The following TASOR variants were observed in gnomAD, a reference collection of about 807,000 sequenced individuals.
TASOR encodes the protein transcription activation suppressor.
In TASOR, 53 loss-of-function variants were observed where a neutral mutation model predicts 178.6. The observed-to-expected ratio is 0.30, with a 90% CI of 0.24 to 0.37. The LOEUF (loss-of-function observed/expected upper bound fraction) is 0.37. TASOR is among the 10% of genes least tolerant of loss of function. The pLI is 1.00. For synonymous variants in TASOR, 713 were observed against 696.2 expected (o/e 1.02, Z -0.38); for missense variants, 1,815 against 1,971.4 (o/e 0.92, Z 1.50).
intron 3 of TASOR, 142 bp from the exon 4 acceptor site, chr3:56,670,287 C>T (rs2030542382): frequency 6.1e-6 from 3 of 493,882 alleles, no homozygotes; most frequent in African/African-American, 2.0e-5. Flanking sequence ...TATATATTTG[C>T]CACTTTATAA....
intron 5 of TASOR, among the ~76,000 whole-genome samples, chr3:56,668,926 T>C (rs545951834): frequency 2.6e-5 from 4 of 152,286 alleles, no homozygotes; most frequent in South Asian, 2.1e-4. Context: ...TGAGCCAAGA[T>C]TGTGCCACTG....
chr3:56,664,112 A>C (rs75710202), intron 7 of TASOR: 1 of 146,438 alleles, frequency 6.8e-6, no homozygotes. Context: ...AAAAAAAAAA[A>C]CAGAGAAACC....
chr3:56,641,752 T>G lies in TASOR; in HGVS notation c.2216A>C (p.Glu739Ala). 6.3e-7 allele frequency: 1 copy of G among 1,588,038 alleles called. No individual in the cohort carries two copies. The highest frequency in any genetic ancestry group is 1.4e-5 in the African/African-American group (1 of 74,050). Residue 739 changes from glutamate (E) to alanine (A), a missense_variant and splice_region_variant, in exon 15 of 24, where the codon GAG becomes GCG. Physicochemically the swap from Glu to Ala is moderately radical, Grantham distance 107 (BLOSUM62 -1). Around this residue, in one of 5 missense-constraint regions of TASOR, gnomAD observed 655 missense variants for 671.1 expected, o/e 0.98. Transcript: ENST00000683822. ...NLSENCHLYE[E>A]SPQPIGSLGH... is the part of the protein sequence containing the mutation. ...AAGTGAGCCAATAGGCTGTGGAGAC[T>G]CTGAGAAAAAGGAAGTCATTGGTTG...
intron 11 of TASOR, among the ~76,000 whole-genome samples, chr3:56,656,971 T>C (rs9819952): frequency 0.19 from 27,851 of 148,404 alleles, 3,400 homozygotes; most frequent in South Asian, 0.41. Context: ...GATTGCACCA[T>C]TGCACTCCAA....
intron 11 of TASOR, among the ~76,000 whole-genome samples, chr3:56,660,378 T>C (rs2077567308): frequency 6.7e-6 from 1 of 149,740 alleles, no homozygotes; most frequent in Non-Finnish European, 1.5e-5. Context: ...TAATCCCAGC[T>C]ACTCAGGAGG....
In TASOR at chr3:56,666,400, T is replaced by C; in HGVS notation, c.898-16A>G. 11 of 1,458,452 alleles carry C rather than the reference T, an allele frequency of 7.5e-6. No individual in the cohort carries two copies. Among genetic ancestry groups the C allele is most frequent in the Non-Finnish European group, 8.1e-6 (9 of 1,105,542 alleles). The allele number at this position is 1,458,452 out of a possible 1,614,324, so 90.3% of individuals were successfully genotyped here. On this transcript the variant is annotated splice_polypyrimidine_tract_variant and intron_variant, in intron 6 of 23. Transcript: ENST00000683822. ...AAAAATAATACTAAAAATAAGAAAA[T>C]GAAAAATTAACTTCTTTAAAAAGGC...
At chr3:56,628,765 CTT>C (rs35779948) in intron 18 of TASOR, 151 bp from the exon 19 acceptor site, 96 of 439,066 alleles carry the variant, frequency 2.2e-4, no homozygotes, top group East Asian at 3.5e-4. Flanking sequence ...CCATCAAATC[CTT>C]TTTTTTTTTC....
chr3:56,671,749 A>G (rs2030760229), intron 2 of TASOR, 57 bp from the exon 3 acceptor site: 7 of 1,343,134 alleles, frequency 5.2e-6, no homozygotes, highest in Middle Eastern at 2.5e-4. Context: ...TTTTCAAGCT[A>G]CAAGTTTTAT....
At position 56,641,650 on chromosome 3, in the gene TASOR, T is replaced by G; in HGVS notation, c.2318A>C (p.Asn773Thr). The part of the protein sequence containing the change: ...SGIADIHRLF[N>T]WLSETLANAR... ...ATTTGCTAGTGTTTCTGATAACCAA[T>G]TAAACAGCCTATGGATGTCAGCAAT... Residue 773 changes from asparagine to threonine, a missense_variant, in exon 15 of 24, where the codon AAT (asparagine) becomes ACT (threonine). Coordinates refer to ENST00000683822, the MANE Select transcript of TASOR (RefSeq NM_001365635.2). 1 of 1,614,208 alleles carries G rather than the reference T, an allele frequency of 6.2e-7. No homozygotes were observed. Among genetic ancestry groups the G allele is most frequent in the Non-Finnish European group, 8.5e-7 (1 of 1,180,044 alleles).
intron 14 of TASOR, among the ~76,000 whole-genome samples, chr3:56,642,303 T>C (rs1387198016): frequency 6.6e-6 from 1 of 152,188 alleles, no homozygotes; most frequent in African/African-American, 2.4e-5. Context: ...TGAAGAAATC[T>C]CCACGAAATT....
At chr3:56,682,308 C>A (rs556639399) in intron 1 of TASOR, among the ~76,000 whole-genome samples, 1 of 145,934 alleles carries the variant, frequency 6.9e-6, no homozygotes, top group Admixed American at 6.8e-5. Flanking sequence ...TGGCCACGGG[C>A]TATTTCCATA....
chr3:56,650,112 A>G (rs548489783), intron 11 of TASOR, among the ~76,000 whole-genome samples: 1 of 152,342 alleles, frequency 6.6e-6, no homozygotes, highest in East Asian at 1.9e-4. Context: ...GGGCTACTGC[A>G]ATAGTTCACA....
rs898160095 is a variant in TASOR, at chr3:56,668,530, A to T, written c.764T>A (p.Met255Lys). 2.6e-5 allele frequency: 41 copies of T among 1,551,172 alleles called. No homozygotes were observed. Among genetic ancestry groups the T allele is most frequent in the Non-Finnish European group, 3.6e-5 (41 of 1,146,698 alleles). Reference sequence around the variant, plus strand: ...CATAGATTCCAAACTTTTTACACCCATGGGGTCATATATACTCTTTATTTT... The same window carrying T: ...CATAGATTCCAAACTTTTTACACCCTTGGGGTCATATATACTCTTTATTTT... ...KGKIKSIYDP[M>K]GVKSLESMLN... The change falls in exon 6 of 24, where the codon ATG becomes AAG. Residue 255 changes from methionine (M) to lysine (K), a missense_variant. Coordinates refer to ENST00000683822, the MANE Select transcript of TASOR (RefSeq NM_001365635.2).
intron 1 of TASOR, among the ~76,000 whole-genome samples, chr3:56,681,752 A>G (rs2107649900): frequency 6.6e-6 from 1 of 152,356 alleles, no homozygotes; most frequent in East Asian, 1.9e-4. Context: ...TAATACCCCA[A>G]TAACAAAAAA....
Position 56,642,608 on chromosome 3 carries a change from A to G in TASOR, c.2216-856T>C, listed in dbSNP as rs1490329967. 2.0e-5 allele frequency among the ~76,000 whole-genome samples: 3 copies of G among 152,190 alleles called. No homozygotes were observed. The East Asian group carries it at 5.8e-4, about 29-fold the overall frequency. On this transcript the variant is annotated intron_variant, in intron 14 of 23. Coordinates refer to ENST00000683822, the MANE Select transcript of TASOR (RefSeq NM_001365635.2). The stretch of plus-strand genomic sequence containing the variant: ...AACTTTTTATAGAGCAGGCAAAACT[A>G]ATCTATAAAGACAAAAAGCAGATCA...
Position 56,634,015 on chromosome 3 carries a change from T to C in TASOR, c.2825-49A>G, listed in dbSNP as rs992718488. The C allele has an allele frequency of 2.8e-6, 4 of 1,413,520 alleles. No individual in the cohort carries two copies. In the Admixed American group the frequency reaches 8.3e-5, roughly 29 times the overall value. The allele number at this position is 1,413,520 out of a possible 1,614,324, so 87.6% of individuals were successfully genotyped here. On this transcript the variant is annotated intron_variant, in intron 17 of 23. Transcript: ENST00000683822. ...ATAAGAGCAATCCAAAAAGATAAGATATGAAAACACAAACCCTTAAATTGG... is the reference window on the plus strand; with the variant it reads ...ATAAGAGCAATCCAAAAAGATAAGACATGAAAACACAAACCCTTAAATTGG...
At chr3:56,652,387 C>G (rs938520454) in intron 11 of TASOR, among the ~76,000 whole-genome samples, 3 of 151,970 alleles carry the variant, frequency 2.0e-5, no homozygotes, top group African/African-American at 7.2e-5. Flanking sequence ...AACCCTGTCT[C>G]TACAAAACAT....
At chr3:56,654,147 A>C (rs1251600671) in intron 11 of TASOR, among the ~76,000 whole-genome samples, 1 of 152,020 alleles carries the variant, frequency 6.6e-6, no homozygotes, top group Non-Finnish European at 1.5e-5. Flanking sequence ...CATGCCTGTA[A>C]TCCCAGCTAC....
intron 7 of TASOR, chr3:56,664,021 G>A (rs112013983): frequency 2.8e-5 from 6 of 212,374 alleles, no homozygotes; most frequent in Non-Finnish European, 4.0e-5. Context: ...TAAATCTAAT[G>A]AGGAAGACAG....
Sources: gnomAD v4.1 joint callset for allele counts (sites outside exome capture counted in the v4.1 genomes callset) on GRCh38, gnomAD v4.1.1 for gene constraint, gnomAD v4.1.1 regional missense constraint, MANE v1.5 for transcripts, NCBI Gene and HGNC (gene_info 2026-07-23, HGNC 2026-07-21) for gene names.